SH3GL3: variants seen among roughly 807,000 people sequenced by gnomAD.
The protein encoded by SH3GL3 is SH3 domain containing GRB2 like 3, endophilin A3, also known as endophilin-A3.
Under a neutral mutation model 47.7 loss-of-function variants are expected in SH3GL3, and 33 were observed. That is an observed-to-expected ratio of 0.69 (90% CI 0.52 to 0.92). SH3GL3 has a LOEUF of 0.92. Ranked by LOEUF, SH3GL3 falls within the 40% of genes least tolerant of loss-of-function variation. The pLI, the probability that SH3GL3 is intolerant of heterozygous loss-of-function variation, is 0.00. For missense variants in SH3GL3, 363 were observed against 417.8 expected, an observed-to-expected ratio of 0.87 and a Z score of 1.14; for synonymous variants, 155 against 148.8, an observed-to-expected ratio of 1.04 and a Z score of -0.30.
rs1459220376 is a variant in SH3GL3, at chr15:83,565,168, T to G, written c.149T>G (p.Ile50Ser). Residue 50 changes from isoleucine to serine, a missense_variant, in exon 3 of 9, where the codon ATT (isoleucine) becomes AGT (serine). Coordinates refer to ENST00000427482, the MANE Select transcript of SH3GL3 (RefSeq NM_003027.5). ...GTTACCAATAAAGTTGTTGCAGAAA[T>G]TCTTTCAAAAACCACTGAATATCTT... is the stretch of plus-strand genomic sequence containing the variant. Reference protein sequence around the residue: ...IDVTNKVVAEILSKTTEYLQP... With the variant: ...IDVTNKVVAESLSKTTEYLQP... The G allele has an allele frequency of 6.3e-6, 10 of 1,581,680 alleles. No individual in the cohort carries two copies. Among genetic ancestry groups the G allele is most frequent in the African/African-American group, 1.3e-5 (1 of 74,190 alleles).
intron 8 of SH3GL3, among the ~76,000 whole-genome samples, chr15:83,601,512 A>G (rs1288974613): frequency 6.6e-6 from 1 of 152,160 alleles, no homozygotes; most frequent in East Asian, 1.9e-4. Context: ...TGACTTGCGT[A>G]TGTTAAACCA....
At position 83,583,448 on chromosome 15, in the gene SH3GL3, C is replaced by T. The variant is rs1014727104; in HGVS notation, c.625-3535C>T. ...TATGCAGTCCTTTGAGCCATTCTTC[C>T]TTTGGGTACAGCCTAAGCCTTTTGC... On this transcript the variant is annotated intron_variant, in intron 6 of 8. Transcript: ENST00000427482. 6.6e-5 allele frequency among the ~76,000 whole-genome samples: 10 copies of T among 152,204 alleles called. No homozygotes were observed. In the South Asian group the frequency reaches 1.4e-3, roughly 22 times the overall value.
At position 83,618,241 on chromosome 15, in the gene SH3GL3, T is replaced by G; in HGVS notation, c.998T>G (p.Phe333Cys). Residue 333 changes from phenylalanine (F) to cysteine (C), a missense_variant, in exon 9 of 9, where the codon TTC becomes TGC. By Grantham distance (205) the Phe-to-Cys change is radical. Coordinates refer to ENST00000427482, the MANE Select transcript of SH3GL3 (RefSeq NM_003027.5). ...GGAATGATACACGGAGAATCGGGATTCTTCCCCATTAATTACGTGGAAGTG... is the reference window on the plus strand; with the variant it reads ...GGAATGATACACGGAGAATCGGGATGCTTCCCCATTAATTACGTGGAAGTG... ...YEGMIHGESG[F>C]FPINYVEVIV... is the part of the protein sequence containing the mutation. The G allele has an allele frequency of 6.2e-7, 1 of 1,612,556 alleles. No homozygotes were observed. Among genetic ancestry groups the G allele is most frequent in the African/African-American group, 1.3e-5 (1 of 75,036 alleles).
Position 83,572,304 on chromosome 15 carries a change from G to A in SH3GL3, c.332-261G>A, listed in dbSNP as rs140494359. On this transcript the variant is annotated intron_variant, in intron 4 of 8. Coordinates refer to ENST00000427482, the MANE Select transcript of SH3GL3 (RefSeq NM_003027.5). Reference sequence around the variant, plus strand: ...AAAGGATCTTTATCCCCATCTAGTGGTCCAAATGGTAAGTACTTCGGTCTG... The same window carrying A: ...AAAGGATCTTTATCCCCATCTAGTGATCCAAATGGTAAGTACTTCGGTCTG... 3.8e-3 allele frequency among the ~76,000 whole-genome samples: 580 copies of A among 152,244 alleles called. 1 individual carries two copies. Among genetic ancestry groups the A allele is most frequent in the Middle Eastern group, 0.017 (5 of 294 alleles).
intron 1 of SH3GL3, among the ~76,000 whole-genome samples, chr15:83,529,267 T>A (rs1359380391): frequency 6.6e-6 from 1 of 152,198 alleles, no homozygotes; most frequent in African/African-American, 2.4e-5. Flanking sequence ...TGTTAGCAGA[T>A]CCAGGCAGGC....
chr15:83,512,380 C>T (rs2151632396), intron 1 of SH3GL3, among the ~76,000 whole-genome samples: 1 of 152,254 alleles, frequency 6.6e-6, no homozygotes, highest in Non-Finnish European at 1.5e-5. Context: ...TTGGCTGCTG[C>T]AAGGTCTGGG....
chr15:83,630,673 C>T, the SH3GL3 span, among the ~76,000 whole-genome samples: 1 of 152,104 alleles, frequency 6.6e-6, no homozygotes, highest in African/African-American at 2.4e-5. Flanking sequence ...TGAGAACTCA[C>T]CATCATGAGA....
At chr15:83,591,944 A>C (rs531377015) in intron 8 of SH3GL3, among the ~76,000 whole-genome samples, 2 of 152,262 alleles carry the variant, frequency 1.3e-5, no homozygotes, top group Admixed American at 6.5e-5. Context: ...AAGTGCTGGG[A>C]TTACAGCTGT....
intron 8 of SH3GL3, among the ~76,000 whole-genome samples, chr15:83,613,223 T>C (rs1342545745): frequency 6.6e-6 from 1 of 152,222 alleles, no homozygotes. Context: ...GCCAGCCCAG[T>C]GGTGGCTGGA....
At chr15:83,606,803 G>A (rs760443608) in intron 8 of SH3GL3, among the ~76,000 whole-genome samples, 1 of 152,148 alleles carries the variant, frequency 6.6e-6, no homozygotes, top group Non-Finnish European at 1.5e-5. Flanking sequence ...TACATTCCAA[G>A]GTACTTTCTA....
chr15:83,510,805 A>G (rs17841195), intron 1 of SH3GL3, among the ~76,000 whole-genome samples: 14,023 of 151,906 alleles, frequency 0.092, 976 homozygotes, highest in East Asian at 0.23. Flanking sequence ...AAGGAAGGCA[A>G]TCAGTTAATC....
At chr15:83,482,638 C>T (rs1355877816) in intron 1 of SH3GL3, among the ~76,000 whole-genome samples, 6 of 152,030 alleles carry the variant, frequency 3.9e-5, no homozygotes, top group South Asian at 4.2e-4. Flanking sequence ...GGATTACAGG[C>T]GCGCACCACC....
At chr15:83,515,895 T>C (rs2042958946) in intron 1 of SH3GL3, among the ~76,000 whole-genome samples, 4 of 152,258 alleles carry the variant, frequency 2.6e-5, no homozygotes. Context: ...GCTGGACTTG[T>C]TTAATTCACT....
chr15:83,556,081 G>C lies in SH3GL3; in HGVS notation c.46-3172G>C, dbSNP rs937013919. On this transcript the variant is annotated intron_variant, in intron 1 of 8. Transcript: ENST00000427482. ...TGAATTTGAATAGTCATCTTCACCA[G>C]AAATAGAAGCTTGAGTATTTATATT... Among the ~76,000 whole-genome samples, 6 of 152,342 alleles carry C rather than the reference G, an allele frequency of 3.9e-5. No homozygotes were observed. In the South Asian group the frequency reaches 8.3e-4, roughly 21 times the overall value.
chr15:83,601,357 T>C (rs1327571526), intron 8 of SH3GL3, among the ~76,000 whole-genome samples: 1 of 152,194 alleles, frequency 6.6e-6, no homozygotes, highest in East Asian at 1.9e-4. Context: ...TTTTATTACA[T>C]TGAGGTATGT....
At chr15:83,490,728 G>C (rs1274050748) in intron 1 of SH3GL3, 1 of 1,562,672 alleles carries the variant, frequency 6.4e-7, no homozygotes. Flanking sequence ...TCATCCTTTG[G>C]AATTTGTTCA....
At chr15:83,610,729 G>A (rs1043076294) in intron 8 of SH3GL3, among the ~76,000 whole-genome samples, 2 of 151,992 alleles carry the variant, frequency 1.3e-5, no homozygotes, top group Admixed American at 6.6e-5. Flanking sequence ...CCTCACATTG[G>A]GGGAAATAGT....
intron 8 of SH3GL3, among the ~76,000 whole-genome samples, chr15:83,605,579 A>G (rs567139641): frequency 6.8e-5 from 10 of 146,260 alleles, no homozygotes; most frequent in South Asian, 6.2e-4. Flanking sequence ...ATGAAAGAAC[A>G]TAAGTCAATT....
intron 1 of SH3GL3, among the ~76,000 whole-genome samples, chr15:83,479,771 C>T (rs140149308): frequency 2.3e-4 from 35 of 152,274 alleles, no homozygotes; most frequent in African/African-American, 8.2e-4. Context: ...GCACTGACAG[C>T]ATCTGCTCTC....
Sources: allele counts gnomAD v4.1 joint callset (sites outside exome capture counted in the v4.1 genomes callset), GRCh38; gene constraint gnomAD v4.1.1; transcripts MANE v1.5; gene names NCBI Gene and HGNC (gene_info 2026-07-23, HGNC 2026-07-21).